Variants in KIF1B observed in about 807,000 individuals in gnomAD.
KIF1B encodes the protein kinesin-like protein KIF1B.
In KIF1B, 76 loss-of-function variants were observed where a neutral mutation model predicts 241.9. The ratio of observed to expected loss-of-function variants is 0.31; its 90% CI spans 0.26 to 0.38. The LOEUF (loss-of-function observed/expected upper bound fraction) is 0.38, where lower values mean the gene tolerates loss of function less well. Ranked by LOEUF, KIF1B falls within the 10% of genes least tolerant of loss-of-function variation. The pLI is 1.00. For synonymous variants in KIF1B, 750 were observed against 796.7 expected (o/e 0.94, Z 0.99); for missense variants, 1,622 against 2,271.4 (o/e 0.71, Z 5.81).
chr1:10,314,263 A>C (rs914345497), intron 22 of KIF1B, among the ~76,000 whole-genome samples: 1 of 151,544 alleles, frequency 6.6e-6, no homozygotes, highest in African/African-American at 2.4e-5. Flanking sequence ...GAATCTCATT[A>C]ATTAGCCATT....
chr1:10,351,385 T>A (rs921076866), intron 37 of KIF1B, among the ~76,000 whole-genome samples: 3 of 152,200 alleles, frequency 2.0e-5, no homozygotes, highest in African/African-American at 7.2e-5. Context: ...CAAACTCTGA[T>A]GTAGTATTTA....
chr1:10,357,961 A>T (rs1411728674), intron 38 of KIF1B, among the ~76,000 whole-genome samples: 1 of 152,094 alleles, frequency 6.6e-6, no homozygotes, highest in Non-Finnish European at 1.5e-5. Context: ...GTGAGCCAAG[A>T]TCGCACCATT....
At chr1:10,369,404 G>A (rs945305509) in intron 44 of KIF1B, among the ~76,000 whole-genome samples, 1 of 151,594 alleles carries the variant, frequency 6.6e-6, no homozygotes, top group Non-Finnish European at 1.5e-5. Flanking sequence ...CAAGATGAGG[G>A]GATCGCTTGA....
chr1:10,280,986 A>T (rs1041641786), intron 14 of KIF1B, among the ~76,000 whole-genome samples: 1 of 152,016 alleles, frequency 6.6e-6, no homozygotes, highest in South Asian at 2.1e-4. Flanking sequence ...TTTTCTCCCA[A>T]TGGCTAATTT....
chr1:10,267,153 A>T (rs958801182), intron 5 of KIF1B, among the ~76,000 whole-genome samples: 3 of 151,876 alleles, frequency 2.0e-5, no homozygotes, highest in African/African-American at 7.3e-5. Context: ...TGAGTAGCTG[A>T]GACTACAGGC....
In KIF1B at chr1:10,368,531, A is replaced by G; in HGVS notation, c.4817A>G (p.Asp1606Gly). 3 of 1,613,664 alleles carry G rather than the reference A, an allele frequency of 1.9e-6. No homozygotes were observed. Among genetic ancestry groups the G allele is most frequent in the Non-Finnish European group, 2.5e-6 (3 of 1,179,532 alleles). Residue 1606 changes from aspartate to glycine, a missense_variant, in exon 44 of 49, where the codon GAC becomes GGC. By Grantham distance (94) the Asp-to-Gly change is moderately conservative. Coordinates refer to ENST00000676179, the MANE Select transcript of KIF1B (RefSeq NM_001365951.3). ...AGCCAGGTGCACGGCAGCGTCAGTG[A>G]CTGTAAGGTGAGCACATTGACTGTA... ...EFSQVHGSVS[D>G]CKLSDISPIG...
intron 5 of KIF1B, 129 bp from the exon 6 acceptor site, chr1:10,267,251 C>G (rs563068997): frequency 1.4e-6 from 1 of 728,992 alleles, no homozygotes; most frequent in Admixed American, 2.1e-5. Context: ...ACTCGTAGTT[C>G]GAGTGATCTC....
intron 1 of KIF1B, among the ~76,000 whole-genome samples, chr1:10,231,956 A>G (rs1270105535): frequency 6.6e-6 from 1 of 152,048 alleles, no homozygotes; most frequent in Non-Finnish European, 1.5e-5. Context: ...TGTTGGGAAT[A>G]TAAGATTTGT....
chr1:10,286,984 C>T (rs1649746442), intron 15 of KIF1B, among the ~76,000 whole-genome samples: 1 of 152,200 alleles, frequency 6.6e-6, no homozygotes, highest in Non-Finnish European at 1.5e-5. Context: ...ACCAGCATGC[C>T]TGCCTGCCAG....
At position 10,277,940 on chromosome 1, in the gene KIF1B, A is replaced by G. The variant is rs1000701570; in HGVS notation, c.1038-46A>G. Reference sequence around the variant, plus strand: ...TAATAGTATGTTACTTATGAGAAGTAGAACATATGAGAAATGACAAGAACA... The same window carrying G: ...TAATAGTATGTTACTTATGAGAAGTGGAACATATGAGAAATGACAAGAACA... On this transcript the variant is annotated intron_variant, in intron 12 of 48. Coordinates refer to ENST00000676179, the MANE Select transcript of KIF1B (RefSeq NM_001365951.3). 4 of 1,553,766 alleles carry G rather than the reference A, an allele frequency of 2.6e-6. No homozygotes were observed. The East Asian group carries it at 9.1e-5, about 35-fold the overall frequency.
chr1:10,215,389 T>A (rs1646755532), intron 1 of KIF1B, among the ~76,000 whole-genome samples: 2 of 151,442 alleles, frequency 1.3e-5, no homozygotes, highest in African/African-American at 4.9e-5. Context: ...TTGGTCAGGC[T>A]GGTCTCGAAC....
At chr1:10,279,838 A>G (rs942916915) in intron 14 of KIF1B, among the ~76,000 whole-genome samples, 1 of 151,720 alleles carries the variant, frequency 6.6e-6, no homozygotes, top group Non-Finnish European at 1.5e-5. Context: ...CTGAGACTAC[A>G]GTTGTTCGCT....
intron 1 of KIF1B, among the ~76,000 whole-genome samples, chr1:10,221,161 G>A (rs190646984): frequency 3.8e-4 from 50 of 130,150 alleles, no homozygotes; most frequent in African/African-American, 1.3e-3. Flanking sequence ...GTAATGGTGC[G>A]ATCTTGGCTC....
At position 10,365,177 on chromosome 1, in the gene KIF1B, C is replaced by T. The variant is rs1461624745; in HGVS notation, c.4444C>T (p.Arg1482Trp). The T allele has an allele frequency of 6.8e-6, 11 of 1,613,934 alleles. No individual in the cohort carries two copies. The highest frequency in any genetic ancestry group is 2.2e-5 in the East Asian group (1 of 44,888). ...GGGAGAAGAGAACTTAGCAGGCTGG[C>T]GGCCCCGTGGAGACAGCCTCATCCT... Reference protein sequence around the residue: ...VRGEENLAGWRPRGDSLILEH... With the variant: ...VRGEENLAGWWPRGDSLILEH... The change falls in exon 42 of 49, where the codon CGG becomes TGG. Residue 1482 changes from arginine to tryptophan, a missense_variant. Arg to Trp is a moderately radical substitution (Grantham distance 101, BLOSUM62 -3). This residue lies in a region of KIF1B where 803 missense variants were observed against 1,112.0 expected (regional missense o/e 0.72). Transcript: ENST00000676179. This position sits in a 1 kb window ranked among gnomAD's most constrained non-coding sequence, Gnocchi z 4.0.
rs910542787 is a variant in KIF1B at position 10,342,166 on chromosome 1, C to A, written c.3630C>A (p.Asn1210Lys). 3 of 1,579,084 alleles carry A rather than the reference C, an allele frequency of 1.9e-6. No homozygotes were observed. The highest frequency in any genetic ancestry group is 1.7e-6 in the Non-Finnish European group (2 of 1,148,104). Residue 1210 changes from asparagine to lysine, a missense_variant and splice_region_variant, in exon 33 of 49, where the codon AAC becomes AAA. Around this residue, in one of 7 missense-constraint regions of KIF1B, gnomAD observed 803 missense variants for 1,112.0 expected, o/e 0.72. Transcript: ENST00000676179. Reference protein sequence around the residue: ...HPLHLQGQELNSPPQPCRRFF... With the variant: ...HPLHLQGQELKSPPQPCRRFF... ...TTCATCTGCAAGGACAGGAGCTTAA[C>A]AGGTTTGGACCAGATAAGCAAACAT... is the stretch of plus-strand genomic sequence containing the variant.
chr1:10,289,475 C>T (rs936837367), intron 15 of KIF1B, among the ~76,000 whole-genome samples: 4 of 152,202 alleles, frequency 2.6e-5, no homozygotes, highest in African/African-American at 4.8e-5. Context: ...CTGACAACCT[C>T]ACTTTAGATT....
chr1:10,286,206 A>G (rs1299629271), intron 15 of KIF1B, among the ~76,000 whole-genome samples: 5 of 152,068 alleles, frequency 3.3e-5, no homozygotes, highest in Non-Finnish European at 7.4e-5. Context: ...CATCTGGCTA[A>G]TTTTTGTATT....
At position 10,379,165 on chromosome 1, in the gene KIF1B, T is replaced by C. The variant is rs1257161807; in HGVS notation, c.*2578T>C. The C allele has an allele frequency of 4.3e-6, 1 of 232,382 alleles. No homozygotes were observed. Among genetic ancestry groups the C allele is most frequent in the Admixed American group, 5.6e-5 (1 of 17,734 alleles). 14.4% of individuals were successfully genotyped at this position (232,382 alleles called of 1,614,324 possible). On this transcript the variant is annotated 3_prime_UTR_variant, in exon 49 of 49. Coordinates refer to ENST00000676179, the MANE Select transcript of KIF1B (RefSeq NM_001365951.3). The stretch of plus-strand genomic sequence containing the variant: ...TACAGAGTGTGACAGAGGATCCATG[T>C]CTGTGACACAGGACGGTGGGAAGCC...
intron 2 of KIF1B, among the ~76,000 whole-genome samples, chr1:10,244,030 A>G (rs1647173406): frequency 6.6e-6 from 1 of 152,174 alleles, no homozygotes. Flanking sequence ...CTATTTTCCT[A>G]TTGTATATTT....
Sources: allele counts gnomAD v4.1 joint callset (sites outside exome capture counted in the v4.1 genomes callset), GRCh38; gene constraint gnomAD v4.1.1; regional missense constraint gnomAD v4.1.1; non-coding constraint Gnocchi (gnomAD v3.1); transcripts MANE v1.5; gene names NCBI Gene and HGNC (gene_info 2026-07-23, HGNC 2026-07-21).